The following NYAP2 variants were observed in gnomAD, a reference collection of about 807,000 sequenced individuals.
The protein encoded by NYAP2 is neuronal tyrosine-phosphorylated phosphoinositide-3-kinase adapter 2.
In NYAP2, 23 loss-of-function variants were observed where a neutral mutation model predicts 50.4. The ratio of observed to expected loss-of-function variants is 0.46; its 90% CI spans 0.33 to 0.65. NYAP2 has a LOEUF of 0.65. Among genes scored for constraint, NYAP2 ranks in the 30% least tolerant of loss-of-function variants. NYAP2 has a pLI of 0.02. For missense variants in NYAP2, 885 were observed against 861.0 expected (o/e 1.03, Z -0.35); for synonymous variants, 394 against 365.2 (o/e 1.08, Z -0.90).
chr2:225,693,622 C>G, the NYAP2 span, among the ~76,000 whole-genome samples: 3 of 152,112 alleles, frequency 2.0e-5, no homozygotes, highest in South Asian at 4.1e-4. Flanking sequence ...AGACACTCTT[C>G]CTGGTTGCAG....
intron 3 of NYAP2, among the ~76,000 whole-genome samples, chr2:225,440,274 A>G (rs2106140127): frequency 6.6e-6 from 1 of 152,350 alleles, no homozygotes; most frequent in East Asian, 1.9e-4. Flanking sequence ...TGCGCTGGGT[A>G]GAATAAATGA....
chr2:225,636,483 C>CTT (rs5839116), intron 6 of NYAP2, among the ~76,000 whole-genome samples: 17 of 146,100 alleles, frequency 1.2e-4, no homozygotes, highest in Admixed American at 4.1e-4. Flanking sequence ...AATGTGCTTT[C>CTT]TTTTTTTTTT....
At chr2:225,697,944 G>A in the NYAP2 span, among the ~76,000 whole-genome samples, 14 of 151,750 alleles carry the variant, frequency 9.2e-5, no homozygotes, top group South Asian at 2.1e-4. Context: ...AGGCTGAGGC[G>A]GGAGAATTGC....
At chr2:225,559,708 G>T (rs1200673277) in intron 4 of NYAP2, among the ~76,000 whole-genome samples, 1 of 152,000 alleles carries the variant, frequency 6.6e-6, no homozygotes, top group Non-Finnish European at 1.5e-5. Flanking sequence ...TAAAATATTA[G>T]ATTGAAATGA....
At chr2:225,683,935 C>A in the NYAP2 span, among the ~76,000 whole-genome samples, 1 of 152,038 alleles carries the variant, frequency 6.6e-6, no homozygotes, top group Non-Finnish European at 1.5e-5. Flanking sequence ...GGTTAAAAGG[C>A]AAAATGATCA....
chr2:225,649,307 T>C (rs886934470), intron 6 of NYAP2, among the ~76,000 whole-genome samples: 12 of 152,220 alleles, frequency 7.9e-5, no homozygotes, highest in African/African-American at 2.9e-4. Flanking sequence ...TCTGAAATGC[T>C]TTTGACTTCT....
At chr2:225,604,840 T>C (rs1191570797) in intron 5 of NYAP2, among the ~76,000 whole-genome samples, 1 of 152,158 alleles carries the variant, frequency 6.6e-6, no homozygotes, top group Non-Finnish European at 1.5e-5. Context: ...TGTACAGTAC[T>C]GATACATTCA....
intron 3 of NYAP2, among the ~76,000 whole-genome samples, chr2:225,417,095 G>T (rs1488314986): frequency 2.0e-5 from 3 of 152,148 alleles, no homozygotes; most frequent in African/African-American, 7.2e-5. Context: ...TTTAACTAAA[G>T]ATGGCCTTTG....
chr2:225,650,905 ATAT>A (rs1248566418), intron 6 of NYAP2, among the ~76,000 whole-genome samples: 1 of 152,224 alleles, frequency 6.6e-6, no homozygotes, highest in Non-Finnish European at 1.5e-5. Context: ...TGGAAAAATA[ATAT>A]TATGAAAGAT....
intron 4 of NYAP2, among the ~76,000 whole-genome samples, chr2:225,559,350 A>T: frequency 6.4e-4 from 1 of 1,570 alleles, no homozygotes; most frequent in South Asian, 0.031. Context: ...TACAAATGCC[A>T]AAAAAAAAAA....
chr2:225,660,816 G>A, the NYAP2 span, among the ~76,000 whole-genome samples: 2 of 151,966 alleles, frequency 1.3e-5, no homozygotes, highest in African/African-American at 2.4e-5. Context: ...AATTTTTTTC[G>A]TTACTTTAAT....
At chr2:225,509,315 C>T (rs974767490) in intron 3 of NYAP2, among the ~76,000 whole-genome samples, 3 of 152,206 alleles carry the variant, frequency 2.0e-5, no homozygotes, top group Non-Finnish European at 2.9e-5. Flanking sequence ...TGGTTTCACA[C>T]ATACTTCTCT....
At chr2:225,680,579 GGATAT>G in the NYAP2 span, among the ~76,000 whole-genome samples, 1 of 152,094 alleles carries the variant, frequency 6.6e-6, no homozygotes, top group Non-Finnish European at 1.5e-5. Flanking sequence ...TTTATTATAA[GGATAT>G]GATATATTTC....
intron 3 of NYAP2, among the ~76,000 whole-genome samples, chr2:225,458,061 A>G (rs920502987): frequency 6.6e-6 from 1 of 151,216 alleles, no homozygotes; most frequent in Non-Finnish European, 1.5e-5. Context: ...GATACTTAAG[A>G]AAAAAAAACG....
At chr2:225,427,952 G>A (rs904433730) in intron 3 of NYAP2, among the ~76,000 whole-genome samples, 8 of 152,056 alleles carry the variant, frequency 5.3e-5, no homozygotes, top group Non-Finnish European at 1.0e-4. Context: ...AAACTCCTAA[G>A]AGTCCCCATA....
the NYAP2 span, among the ~76,000 whole-genome samples, chr2:225,696,407 T>C: frequency 3.3e-5 from 5 of 152,112 alleles, no homozygotes; most frequent in East Asian, 9.7e-4. Flanking sequence ...AATGGTTTAC[T>C]GTTTTTAAAA....
At chr2:225,449,870 G>T (rs1446188888) in intron 3 of NYAP2, among the ~76,000 whole-genome samples, 2 of 151,914 alleles carry the variant, frequency 1.3e-5, no homozygotes, top group African/African-American at 4.8e-5. Context: ...ACTCACCTCG[G>T]TCTCCCAAAA....
intron 3 of NYAP2, among the ~76,000 whole-genome samples, chr2:225,499,812 G>A (rs1303846914): frequency 6.6e-6 from 1 of 152,140 alleles, no homozygotes; most frequent in African/African-American, 2.4e-5. Flanking sequence ...AAAGATGAAT[G>A]AATGATTTAG....
chr2:225,462,710 A>G (rs1474423513), intron 3 of NYAP2, among the ~76,000 whole-genome samples: 1 of 152,170 alleles, frequency 6.6e-6, no homozygotes, highest in Non-Finnish European at 1.5e-5. Flanking sequence ...AATGTCAGAC[A>G]ATAGAAGTAT....
Sources: allele counts gnomAD v4.1 joint callset (sites outside exome capture counted in the v4.1 genomes callset), GRCh38; gene constraint gnomAD v4.1.1; transcripts MANE v1.5; gene names NCBI Gene and HGNC (gene_info 2026-07-23, HGNC 2026-07-21).